Variants in NPAS3 observed in about 807,000 individuals in gnomAD.
NPAS3 encodes the protein neuronal PAS domain-containing protein 3.
In NPAS3, 14 loss-of-function variants were observed where a neutral mutation model predicts 73.1. The ratio of observed to expected loss-of-function variants is 0.19; its 90% confidence interval spans 0.13 to 0.30. NPAS3 has a LOEUF of 0.30. NPAS3 is among the 10% of genes least tolerant of loss of function. NPAS3 has a pLI of 1.00. For missense variants in NPAS3, 1,096 were observed against 1,250.0 expected (o/e 0.88, Z 1.86); for synonymous variants, 620 against 541.5 (o/e 1.14, Z -2.01).
At chr14:33,743,473 G>A (rs190758528) in intron 7 of NPAS3, among the ~76,000 whole-genome samples, 1 of 152,148 alleles carries the variant, frequency 6.6e-6, no homozygotes, top group African/African-American at 2.4e-5. Context: ...CAGATGTGCT[G>A]TCATCCAGGC....
intron 4 of NPAS3, among the ~76,000 whole-genome samples, chr14:33,541,139 ACAC>A (rs1405183640): frequency 1.3e-5 from 2 of 149,728 alleles, no homozygotes; most frequent in African/African-American, 5.0e-5. Flanking sequence ...ATGCACACAC[ACAC>A]ATTAGTAATA....
chr14:33,054,940 TC>T (rs1177827837), intron 1 of NPAS3, among the ~76,000 whole-genome samples: 2 of 152,060 alleles, frequency 1.3e-5, no homozygotes, highest in Non-Finnish European at 2.9e-5. Context: ...AGTAGCATGA[TC>T]CATCACATGT....
chr14:33,325,970 T>C (rs969584711), intron 3 of NPAS3, among the ~76,000 whole-genome samples: 2 of 152,184 alleles, frequency 1.3e-5, no homozygotes, highest in Non-Finnish European at 2.9e-5. Flanking sequence ...CTTAAATAAT[T>C]AGGGTACTCA....
chr14:33,198,775 C>G (rs974468793), intron 2 of NPAS3, among the ~76,000 whole-genome samples: 4 of 152,196 alleles, frequency 2.6e-5, no homozygotes, highest in Non-Finnish European at 4.4e-5. Context: ...TGGGACCGGA[C>G]GCCATGGAGC....
At chr14:33,476,587 C>T (rs892403610) in intron 4 of NPAS3, among the ~76,000 whole-genome samples, 2 of 152,156 alleles carry the variant, frequency 1.3e-5, no homozygotes, top group Non-Finnish European at 2.9e-5. Context: ...CCAATTTAAA[C>T]ATTTATGAGT....
chr14:33,757,952 T>G (rs2062166363), intron 7 of NPAS3, among the ~76,000 whole-genome samples: 1 of 152,198 alleles, frequency 6.6e-6, no homozygotes, highest in South Asian at 2.1e-4. Context: ...TCTGAGCTCC[T>G]TGGTAATTAT....
chr14:33,460,115 T>G (rs1335930687), intron 4 of NPAS3, among the ~76,000 whole-genome samples: 1 of 152,250 alleles, frequency 6.6e-6, no homozygotes, highest in Non-Finnish European at 1.5e-5. Flanking sequence ...ACAAGAGTAC[T>G]CGTACACATA....
At chr14:33,727,845 G>C (rs1025548015) in intron 6 of NPAS3, among the ~76,000 whole-genome samples, 1 of 152,120 alleles carries the variant, frequency 6.6e-6, no homozygotes, top group African/African-American at 2.4e-5. Context: ...CCCTCAAGTG[G>C]CAACATTTAT....
intron 7 of NPAS3, among the ~76,000 whole-genome samples, chr14:33,761,726 G>A (rs189263229): frequency 6.6e-6 from 1 of 152,268 alleles, no homozygotes; most frequent in East Asian, 1.9e-4. Context: ...GATGACTTGA[G>A]GAAGGAAATT....
chr14:33,784,032 G>A (rs1360899629), intron 9 of NPAS3, among the ~76,000 whole-genome samples: 1 of 152,162 alleles, frequency 6.6e-6, no homozygotes, highest in Admixed American at 6.5e-5. Flanking sequence ...GTATTCCAAT[G>A]AAACAAGAAT....
intron 5 of NPAS3, among the ~76,000 whole-genome samples, chr14:33,579,232 A>G (rs1475903264): frequency 6.6e-6 from 1 of 152,236 alleles, no homozygotes; most frequent in Non-Finnish European, 1.5e-5. Context: ...ATTCTAGGGT[A>G]TGTCTCAAAT....
intron 4 of NPAS3, among the ~76,000 whole-genome samples, chr14:33,513,475 G>A (rs1010966760): frequency 2.0e-5 from 3 of 152,032 alleles, no homozygotes; most frequent in African/African-American, 7.2e-5. Context: ...GCCAGCCTTT[G>A]AGTACAGTAG....
At chr14:33,744,586 A>G (rs1006073721) in intron 7 of NPAS3, among the ~76,000 whole-genome samples, 1 of 151,940 alleles carries the variant, frequency 6.6e-6, no homozygotes, top group Non-Finnish European at 1.5e-5. Flanking sequence ...TCAGGAGTTC[A>G]AGACCAGCCT....
intron 1 of NPAS3, among the ~76,000 whole-genome samples, chr14:32,967,759 G>A (rs1376567884): frequency 7.1e-6 from 1 of 140,294 alleles, no homozygotes; most frequent in Admixed American, 7.2e-5. Flanking sequence ...AGCCATTATG[G>A]ACAACAGCAT....
intron 9 of NPAS3, among the ~76,000 whole-genome samples, chr14:33,789,839 T>G (rs553606277): frequency 6.6e-6 from 1 of 152,108 alleles, no homozygotes; most frequent in South Asian, 2.1e-4. Context: ...TCCGCCCGCC[T>G]CGGCCTCCCA....
chr14:33,049,772 C>A (rs542887803), intron 1 of NPAS3, among the ~76,000 whole-genome samples: 1 of 152,278 alleles, frequency 6.6e-6, no homozygotes, highest in East Asian at 1.9e-4. Flanking sequence ...GGCTCCTAAG[C>A]ATTACTTGGA....
At chr14:33,479,515 A>T (rs1215378805) in intron 4 of NPAS3, among the ~76,000 whole-genome samples, 2 of 152,270 alleles carry the variant, frequency 1.3e-5, no homozygotes, top group East Asian at 3.9e-4. Flanking sequence ...AAATAAAACA[A>T]GTTACCCCCA....
At chr14:33,327,243 C>G (rs2043749754) in intron 3 of NPAS3, among the ~76,000 whole-genome samples, 1 of 152,206 alleles carries the variant, frequency 6.6e-6, no homozygotes. Context: ...TCACCACTTA[C>G]TGAATGCACT....
chr14:33,640,890 C>T (rs2058657832), intron 5 of NPAS3, among the ~76,000 whole-genome samples: 3 of 152,144 alleles, frequency 2.0e-5, no homozygotes, highest in African/African-American at 7.2e-5. Flanking sequence ...TATTTTGACA[C>T]ACATATCAGA....
Sources: allele counts gnomAD v4.1 joint callset (sites outside exome capture counted in the v4.1 genomes callset), GRCh38; gene constraint gnomAD v4.1.1; transcripts MANE v1.5; gene names NCBI Gene and HGNC (gene_info 2026-07-23, HGNC 2026-07-21).